HPSE2: variants seen among roughly 807,000 people sequenced by gnomAD.
HPSE2 encodes heparanase 2 (inactive).
In HPSE2, 38 loss-of-function variants were observed where a neutral mutation model predicts 60.5. The observed-to-expected ratio is 0.63, with a 90% CI of 0.48 to 0.82. The LOEUF is 0.82. HPSE2 is among the 40% of genes least tolerant of loss of function. The pLI is 0.00. For missense variants in HPSE2, 713 were observed against 740.4 expected (o/e 0.96, Z 0.43); for synonymous variants, 295 against 293.2 (o/e 1.01, Z -0.06).
chr10:98,521,171 G>A (rs377013918), intron 9 of HPSE2, among the ~76,000 whole-genome samples: 87 of 152,126 alleles, frequency 5.7e-4, no homozygotes, highest in African/African-American at 2.0e-3. Flanking sequence ...GCTTCTGCAC[G>A]GCAAAAGAAA....
chr10:98,891,828 G>A (rs190720841), intron 3 of HPSE2, among the ~76,000 whole-genome samples: 1 of 151,770 alleles, frequency 6.6e-6, no homozygotes, highest in East Asian at 2.0e-4. Flanking sequence ...GGAGTGCAGT[G>A]GCATGATCTT....
intron 6 of HPSE2, among the ~76,000 whole-genome samples, chr10:98,642,395 G>A (rs892361858): frequency 3.9e-5 from 6 of 152,044 alleles, no homozygotes; most frequent in Non-Finnish European, 8.8e-5. Context: ...AAATAAACAC[G>A]AAAGCAAAAA....
At chr10:99,065,141 G>T (rs1842573958) in intron 3 of HPSE2, among the ~76,000 whole-genome samples, 1 of 152,018 alleles carries the variant, frequency 6.6e-6, no homozygotes, top group African/African-American at 2.4e-5. Flanking sequence ...TCTGGTACAA[G>T]ACCACCAGCT....
intron 3 of HPSE2, among the ~76,000 whole-genome samples, chr10:98,953,958 A>T (rs1467609106): frequency 1.3e-5 from 2 of 152,240 alleles, no homozygotes; most frequent in African/African-American, 4.8e-5. Flanking sequence ...TATAATAAGC[A>T]TTCAATAAAT....
chr10:98,817,608 TCTA>T (rs1336872445), intron 3 of HPSE2, among the ~76,000 whole-genome samples: 1 of 152,206 alleles, frequency 6.6e-6, no homozygotes, highest in African/African-American at 2.4e-5. Flanking sequence ...TCTGGTTTCT[TCTA>T]CTAACTCTCA....
Position 98,749,947 on chromosome 10 carries a change from T to TATACACACAC in HPSE2, c.611-5892_611-5891insGTGTGTGTAT. ...ATTAAACACTATATATATATATATATACACACACACTTACACACACATTTA... is the reference window on the plus strand; with the variant it reads ...ATTAAACACTATATATATATATATATATACACACACACACACACACTTACACACACATTTA... On this transcript the variant is annotated intron_variant, in intron 3 of 11. Coordinates refer to ENST00000370552, the MANE Select transcript of HPSE2 (RefSeq NM_021828.5). Among the ~76,000 whole-genome samples, 84 of 98,464 alleles carry TATACACACAC rather than the reference T, an allele frequency of 8.5e-4. 2 individuals carry two copies. In the East Asian group the frequency reaches 0.014, roughly 17 times the overall value. 64.6% of individuals were successfully genotyped at this position (98,464 alleles called of 152,430 possible).
chr10:99,270,794 AG>A, the HPSE2 span, among the ~76,000 whole-genome samples: 5 of 152,214 alleles, frequency 3.3e-5, no homozygotes, highest in Non-Finnish European at 7.3e-5. Flanking sequence ...ACCATGACCA[AG>A]GGGGTTTCAT....
chr10:98,861,624 C>G (rs935570600), intron 3 of HPSE2, among the ~76,000 whole-genome samples: 7 of 152,058 alleles, frequency 4.6e-5, no homozygotes, highest in Non-Finnish European at 7.4e-5. Context: ...CAAGAAAGGG[C>G]CTTGGCAGCA....
At chr10:99,065,437 C>A (rs954629895) in intron 3 of HPSE2, among the ~76,000 whole-genome samples, 57 of 151,574 alleles carry the variant, frequency 3.8e-4, no homozygotes, top group African/African-American at 1.2e-3. Context: ...AAAAACAAAA[C>A]AAAACAAAGG....
At chr10:99,243,793 G>T in the HPSE2 span, among the ~76,000 whole-genome samples, 2 of 151,960 alleles carry the variant, frequency 1.3e-5, no homozygotes, top group Admixed American at 6.6e-5. Context: ...AAACTTAGCT[G>T]GGCATGGTGG....
intron 3 of HPSE2, among the ~76,000 whole-genome samples, chr10:98,958,645 C>T (rs1955570302): frequency 6.6e-6 from 1 of 151,888 alleles, no homozygotes. Flanking sequence ...AAATTTCTTG[C>T]CAAGACCTGA....
chr10:98,475,612 G>C (rs1441420183), intron 11 of HPSE2, among the ~76,000 whole-genome samples: 1 of 152,146 alleles, frequency 6.6e-6, no homozygotes, highest in Non-Finnish European at 1.5e-5. Context: ...AGGTGTGAGG[G>C]AGTTGAAGGT....
chr10:99,013,395 A>G (rs1957062476), intron 3 of HPSE2: 1 of 551,526 alleles, frequency 1.8e-6, no homozygotes, highest in Non-Finnish European at 3.4e-6. Flanking sequence ...GTGTTAGTAT[A>G]GTAAGTGTTT....
rs200059066 is a variant in HPSE2 at position 99,184,522 on chromosome 10, C to CAAAAAAAAAA, written c.449-40133_449-40124dup. Reference sequence around the variant, plus strand: ...CCTGGGCAACAGAGCGAGACTGTCTCAAAAAAAAAAAAAAAAAAAAAAAAA... The same window carrying CAAAAAAAAAA: ...CCTGGGCAACAGAGCGAGACTGTCTCAAAAAAAAAAAAAAAAAAAAAAAAAAAAAAAAAAA... On this transcript the variant is annotated intron_variant, in intron 2 of 11. Coordinates refer to ENST00000370552, the MANE Select transcript of HPSE2 (RefSeq NM_021828.5). Among the ~76,000 whole-genome samples, 89 of 60,762 alleles carry CAAAAAAAAAA rather than the reference C, an allele frequency of 1.5e-3. 2 individuals carry two copies. Among genetic ancestry groups the CAAAAAAAAAA allele is most frequent in the Non-Finnish European group, 1.9e-3 (71 of 38,180 alleles). 39.9% of individuals were successfully genotyped at this position (60,762 alleles called of 152,430 possible).
intron 9 of HPSE2, among the ~76,000 whole-genome samples, chr10:98,542,529 C>T (rs1294139832): frequency 8.6e-5 from 13 of 151,932 alleles, no homozygotes; most frequent in Non-Finnish European, 1.8e-4. Context: ...CAAATTACTC[C>T]GAGCTATGGG....
intron 11 of HPSE2, among the ~76,000 whole-genome samples, chr10:98,479,784 TA>T (rs1233714333): frequency 6.6e-6 from 1 of 152,232 alleles, no homozygotes; most frequent in Admixed American, 6.5e-5. Flanking sequence ...CCAACATATG[TA>T]AAATCGTTAT....
chr10:98,697,957 G>T (rs1948276453), intron 5 of HPSE2, among the ~76,000 whole-genome samples: 1 of 149,836 alleles, frequency 6.7e-6, no homozygotes, highest in Non-Finnish European at 1.5e-5. Flanking sequence ...AAATATATAT[G>T]CACCCAATAC....
At chr10:99,056,176 C>T (rs1958110212) in intron 3 of HPSE2, among the ~76,000 whole-genome samples, 1 of 151,948 alleles carries the variant, frequency 6.6e-6, no homozygotes, top group Admixed American at 6.6e-5. Flanking sequence ...TTATAAACAA[C>T]TTTATGGCAA....
chr10:99,211,499 G>A (rs1040628116), intron 2 of HPSE2, among the ~76,000 whole-genome samples: 14 of 151,968 alleles, frequency 9.2e-5, no homozygotes, highest in Admixed American at 6.6e-4. Flanking sequence ...TATGGTACTG[G>A]CATTAAAAAA....
Sources: gnomAD v4.1 joint callset for allele counts (sites outside exome capture counted in the v4.1 genomes callset) on GRCh38, gnomAD v4.1.1 for gene constraint, MANE v1.5 for transcripts, NCBI Gene and HGNC (gene_info 2026-07-23, HGNC 2026-07-21) for gene names.